Variants in PDE6A observed in about 807,000 individuals in gnomAD.
PDE6A encodes rod cGMP-specific 3',5'-cyclic phosphodiesterase subunit alpha.
Under a neutral mutation model 106.3 loss-of-function variants are expected in PDE6A, and 84 were observed. The ratio of observed to expected loss-of-function variants is 0.79; its 90% CI spans 0.66 to 0.95. PDE6A has a LOEUF of 0.95. PDE6A is among the 40% of genes least tolerant of loss of function. The pLI, the probability that PDE6A is intolerant of heterozygous loss-of-function variation, is 0.00. For missense variants in PDE6A, 1,052 were observed against 1,084.9 expected, an observed-to-expected ratio of 0.97 and a Z score of 0.43; for synonymous variants, 394 against 386.6, an observed-to-expected ratio of 1.02 and a Z score of -0.23.
At chr5:149,874,267 A>C (rs559143416) in intron 17 of PDE6A, among the ~76,000 whole-genome samples, 21 of 152,374 alleles carry the variant, frequency 1.4e-4, no homozygotes. Flanking sequence ...TTCAGAGGCC[A>C]GCCACATGTA....
intron 2 of PDE6A, among the ~76,000 whole-genome samples, 178 bp downstream of exon 2, chr5:149,934,388 C>T (rs1754127219): frequency 6.6e-6 from 1 of 152,274 alleles, no homozygotes; most frequent in Non-Finnish European, 1.5e-5. Flanking sequence ...CTATTCCTGA[C>T]TCCAAAGCCC....
chr5:149,902,782 A>G (rs948360185), intron 8 of PDE6A, among the ~76,000 whole-genome samples: 14 of 151,704 alleles, frequency 9.2e-5, no homozygotes, highest in African/African-American at 3.4e-4. Context: ...AGATCACGCC[A>G]CTGCACTCCA....
Position 149,899,363 on chromosome 5 carries a change from AGCAAGCC to A in PDE6A, c.1263+5_1263+11del, listed in dbSNP as rs1752878714. On this transcript the variant is annotated splice_donor_5th_base_variant and intron_variant, in intron 9 of 21. Coordinates refer to ENST00000255266, the MANE Select transcript of PDE6A (RefSeq NM_000440.3). ...GAATCCCAACAGCAAAAGGCCTCCTAGCAAGCCATACCTCCATGAGCGTCTCATCCAT... is the reference window on the plus strand; with the variant it reads ...GAATCCCAACAGCAAAAGGCCTCCTAATACCTCCATGAGCGTCTCATCCAT... The A allele has an allele frequency of 3.1e-6, 5 of 1,613,768 alleles. No individual in the cohort carries two copies. The highest frequency in any genetic ancestry group is 4.2e-6 in the Non-Finnish European group (5 of 1,179,878).
chr5:149,926,888 G>T, intron 4 of PDE6A, among the ~76,000 whole-genome samples: 1 of 148,874 alleles, frequency 6.7e-6, no homozygotes, highest in East Asian at 2.0e-4. Context: ...TGAGGCTGGA[G>T]AATTGTTTGA....
intron 4 of PDE6A, among the ~76,000 whole-genome samples, chr5:149,925,781 A>G (rs1753849825): frequency 6.6e-6 from 1 of 152,128 alleles, no homozygotes. Flanking sequence ...AGCACAAAAA[A>G]CGAAATGATG....
chr5:149,905,431 T>TA (rs1753145842), intron 7 of PDE6A, among the ~76,000 whole-genome samples: 1 of 152,196 alleles, frequency 6.6e-6, no homozygotes, highest in African/African-American at 2.4e-5. Flanking sequence ...CAGCTGCTCC[T>TA]AAAAAATGTC....
At chr5:149,943,650 C>T (rs2113672348) in intron 1 of PDE6A, among the ~76,000 whole-genome samples, 1 of 148,074 alleles carries the variant, frequency 6.8e-6, no homozygotes, top group East Asian at 2.0e-4. Flanking sequence ...CATTACATTT[C>T]TATGATTCCG....
At chr5:149,890,281 A>G (rs1030124321) in intron 13 of PDE6A, among the ~76,000 whole-genome samples, 1 of 152,110 alleles carries the variant, frequency 6.6e-6, no homozygotes, top group African/African-American at 2.4e-5. Flanking sequence ...TAAATTAAGT[A>G]TTTTTCTTGA....
At chr5:149,923,539 AT>A (rs1561772860) in intron 4 of PDE6A, among the ~76,000 whole-genome samples, 1 of 132,154 alleles carries the variant, frequency 7.6e-6, no homozygotes, top group Non-Finnish European at 1.5e-5. Flanking sequence ...ATAACATAAC[AT>A]AACATAACAT....
intron 17 of PDE6A, among the ~76,000 whole-genome samples, chr5:149,879,417 G>GTT (rs1760849700): frequency 7.0e-6 from 1 of 143,386 alleles, no homozygotes; most frequent in South Asian, 2.4e-4. Flanking sequence ...TTTTTTTTTA[G>GTT]GTTTTTTTTT....
At chr5:149,923,500 A>G (rs1373061941) in intron 4 of PDE6A, among the ~76,000 whole-genome samples, 3 of 149,662 alleles carry the variant, frequency 2.0e-5, no homozygotes, top group Non-Finnish European at 3.0e-5. Context: ...TCTGTCTCAA[A>G]TAAATAACAT....
chr5:149,929,213 T>C (rs937004436), intron 4 of PDE6A, among the ~76,000 whole-genome samples: 1 of 152,200 alleles, frequency 6.6e-6, no homozygotes, highest in African/African-American at 2.4e-5. Flanking sequence ...AAAACTCAAA[T>C]GTCCACCAAC....
chr5:149,914,492 G>A (rs1465399942), intron 6 of PDE6A, among the ~76,000 whole-genome samples: 4 of 152,188 alleles, frequency 2.6e-5, no homozygotes, highest in Non-Finnish European at 5.9e-5. Flanking sequence ...CTAAAAATCA[G>A]TGTGGAGTCA....
intron 6 of PDE6A, among the ~76,000 whole-genome samples, chr5:149,911,196 T>G (rs1196014191): frequency 1.3e-5 from 2 of 152,130 alleles, no homozygotes; most frequent in African/African-American, 2.4e-5. Flanking sequence ...CCAGTTTCAA[T>G]TGGCATGATG....
intron 7 of PDE6A, among the ~76,000 whole-genome samples, chr5:149,904,008 T>C (rs981290424): frequency 6.6e-6 from 1 of 152,250 alleles, no homozygotes; most frequent in African/African-American, 2.4e-5. Flanking sequence ...CTTTTCTTGC[T>C]TATTTGGGTT....
chr5:149,897,953 T>C (rs1325111684), intron 10 of PDE6A, among the ~76,000 whole-genome samples: 1 of 152,198 alleles, frequency 6.6e-6, no homozygotes, highest in African/African-American at 2.4e-5. Context: ...AATTGTCTAC[T>C]GGTCTTCCAG....
intron 14 of PDE6A, 45 bp downstream of exon 14, chr5:149,886,220 A>T (rs1398329363): frequency 5.8e-6 from 8 of 1,378,150 alleles, no homozygotes; most frequent in Middle Eastern, 1.8e-4. Context: ...ACAGAGCTGG[A>T]TAATGAATCC....
chr5:149,907,314 G>A lies in PDE6A; in HGVS notation c.1063C>T (p.Leu355=), dbSNP rs780461144. 83 of 1,611,564 alleles carry A rather than the reference G, an allele frequency of 5.2e-5. No individual in the cohort carries two copies. The highest frequency in any genetic ancestry group is 6.8e-5 in the Non-Finnish European group (80 of 1,177,804). Residue 355 remains leucine, a splice_region_variant and synonymous_variant, in exon 7 of 22, where the codon CTG becomes TTG. Transcript: ENST00000255266. ...CCCTTCAAAGTTATATTACTTACCA[G>A]GCCATTCTGGGCAACATAAGCTGGG... The part of the protein sequence containing the change: ...GLPAYVAQNG[L]ICNIMNAPAE...
chr5:149,904,554 G>A (rs756970601), intron 7 of PDE6A, among the ~76,000 whole-genome samples: 23 of 152,220 alleles, frequency 1.5e-4, no homozygotes, highest in East Asian at 5.8e-4. Flanking sequence ...TGCTTGCAGC[G>A]CCATGACCTT....
Sources: gnomAD v4.1 joint callset for allele counts (sites outside exome capture counted in the v4.1 genomes callset) on GRCh38, gnomAD v4.1.1 for gene constraint, MANE v1.5 for transcripts, NCBI Gene and HGNC (gene_info 2026-07-23, HGNC 2026-07-21) for gene names.